Variants in TRAPPC3L observed in about 807,000 individuals in gnomAD.
TRAPPC3L encodes the protein trafficking protein particle complex subunit 3-like protein.
A neutral mutation model predicts 23.7 loss-of-function variants in TRAPPC3L; 23 were observed. The observed-to-expected ratio is 0.97, with a 90% CI of 0.70 to 1.37. The LOEUF (loss-of-function observed/expected upper bound fraction) is 1.37. Among genes scored for constraint, TRAPPC3L ranks in the 40% most tolerant of loss-of-function variants. The pLI is 0.00. For synonymous variants in TRAPPC3L, 81 were observed against 77.9 expected (o/e 1.04, Z -0.21); for missense variants, 212 against 216.8 (o/e 0.98, Z 0.14).
intron 3 of TRAPPC3L, chr6:116,516,877 C>G (rs897389278): frequency 2.6e-5 from 4 of 151,842 alleles, no homozygotes; most frequent in Admixed American, 2.0e-4. Context: ...GCTTACTAGG[C>G]CGTGGGTATG....
At chr6:116,541,691 C>A (rs1441214452) in intron 2 of TRAPPC3L, among the ~76,000 whole-genome samples, 1 of 152,318 alleles carries the variant, frequency 6.6e-6, no homozygotes, top group East Asian at 1.9e-4. Context: ...ATCAAAATGT[C>A]TACTTTACAG....
intron 3 of TRAPPC3L, among the ~76,000 whole-genome samples, chr6:116,534,787 A>G (rs931910201): frequency 8.8e-6 from 1 of 113,552 alleles, no homozygotes; most frequent in African/African-American, 3.2e-5. Flanking sequence ...TTATACTATA[A>G]AAGAAAAGTT....
intron 3 of TRAPPC3L, among the ~76,000 whole-genome samples, chr6:116,509,095 A>AGG (rs1772060011): frequency 1.4e-5 from 1 of 69,380 alleles, no homozygotes; most frequent in African/African-American, 3.8e-5. Flanking sequence ...GAGTTGTAAA[A>AGG]AAAAAAAAAA....
rs192336248 is a variant in TRAPPC3L at position 116,510,694 on chromosome 6, A to T, written c.241-10028T>A. Among the ~76,000 whole-genome samples, 970 of 151,172 alleles carry T rather than the reference A, an allele frequency of 6.4e-3. 8 individuals are homozygous for T. Among genetic ancestry groups the T allele is most frequent in the Middle Eastern group, 0.034 (10 of 294 alleles). On this transcript the variant is annotated intron_variant, in intron 3 of 4. Transcript: ENST00000368602. ...AAAGAAAAAGAAGTCATTATATATTAAAAAAAAACACCTGCACATGTATAT... is the reference window on the plus strand; with the variant it reads ...AAAGAAAAAGAAGTCATTATATATTTAAAAAAAACACCTGCACATGTATAT...
intron 3 of TRAPPC3L, among the ~76,000 whole-genome samples, chr6:116,533,571 G>C (rs919771208): frequency 1.3e-5 from 2 of 152,204 alleles, no homozygotes; most frequent in African/African-American, 4.8e-5. Flanking sequence ...AACGGCAATA[G>C]AAATGTAAGT....
Position 116,500,521 on chromosome 6 carries a change from C to A in TRAPPC3L, c.386G>T (p.Cys129Phe). 1 of 1,551,632 alleles carries A rather than the reference C, an allele frequency of 6.4e-7. No individual in the cohort carries two copies. Among genetic ancestry groups the A allele is most frequent in the South Asian group, 1.2e-5 (1 of 84,048 alleles). Reference protein sequence around the residue: ...LPAGRSSLCYCNLLCGIIRGA... With the variant: ...LPAGRSSLCYFNLLCGIIRGA... ...TCTGATAATCCCACAGAGCAAGTTG[C>A]AGTAGCACAGAGAAGATCGCCCAGC... Residue 129 changes from cysteine to phenylalanine, a missense_variant, in exon 4 of 5, where the codon TGC (cysteine) becomes TTC (phenylalanine). Coordinates refer to ENST00000368602, the MANE Select transcript of TRAPPC3L (RefSeq NM_001139444.3).
At position 116,496,922 on chromosome 6, in the gene TRAPPC3L, T is replaced by C; in HGVS notation, c.*32A>G. The C allele has an allele frequency of 6.5e-7, 1 of 1,531,408 alleles. No homozygotes were observed. Among genetic ancestry groups the C allele is most frequent in the Non-Finnish European group, 8.8e-7 (1 of 1,142,140 alleles). The allele number at this position is 1,531,408 out of a possible 1,614,324, so 94.9% of individuals were successfully genotyped here. Reference sequence around the variant, plus strand: ...CATGTTTAGCTAACATTAACTCAGCTAGCCGCCCCGTGGCATTTTCCGTGC... The same window carrying C: ...CATGTTTAGCTAACATTAACTCAGCCAGCCGCCCCGTGGCATTTTCCGTGC... On this transcript the variant is annotated 3_prime_UTR_variant, in exon 5 of 5. Coordinates refer to ENST00000368602, the MANE Select transcript of TRAPPC3L (RefSeq NM_001139444.3).
intron 3 of TRAPPC3L, among the ~76,000 whole-genome samples, chr6:116,525,748 G>T (rs571633312): frequency 8.5e-4 from 129 of 152,324 alleles, no homozygotes; most frequent in Non-Finnish European, 1.6e-3. Flanking sequence ...AAGAACTCAT[G>T]ATATTAAGTA....
At chr6:116,530,654 G>A (rs1415020275) in intron 3 of TRAPPC3L, among the ~76,000 whole-genome samples, 2 of 151,980 alleles carry the variant, frequency 1.3e-5, no homozygotes, top group Non-Finnish European at 2.9e-5. Context: ...CATTAACAAT[G>A]TGGTTTCACT....
chr6:116,498,437 T>C (rs1771864639), intron 4 of TRAPPC3L, among the ~76,000 whole-genome samples: 1 of 152,228 alleles, frequency 6.6e-6, no homozygotes, highest in African/African-American at 2.4e-5. Flanking sequence ...TGTTATTCTA[T>C]TTTCCCCTAA....
At chr6:116,522,890 GC>G (rs1357067523) in intron 3 of TRAPPC3L, 1 of 151,970 alleles carries the variant, frequency 6.6e-6, no homozygotes, top group Non-Finnish European at 1.5e-5. Flanking sequence ...CGTGATCCTA[GC>G]TGATTCCAGT....
In TRAPPC3L at chr6:116,496,927, GC is replaced by G. The variant is rs1278508059; in HGVS notation, c.*26del. Reference sequence around the variant, plus strand: ...TTAGCTAACATTAACTCAGCTAGCCGCCCCGTGGCATTTTCCGTGCTAGTCT... The same window carrying G: ...TTAGCTAACATTAACTCAGCTAGCCGCCCGTGGCATTTTCCGTGCTAGTCT... On this transcript the variant is annotated 3_prime_UTR_variant, in exon 5 of 5. Coordinates refer to ENST00000368602, the MANE Select transcript of TRAPPC3L (RefSeq NM_001139444.3). 10 of 1,531,824 alleles carry G rather than the reference GC, an allele frequency of 6.5e-6. No individual in the cohort carries two copies. Among genetic ancestry groups the G allele is most frequent in the Non-Finnish European group, 8.8e-6 (10 of 1,141,796 alleles). 94.9% of individuals were successfully genotyped at this position (1,531,824 alleles called of 1,614,324 possible).
In TRAPPC3L at chr6:116,515,828, C is replaced by T. The variant is rs147361495; in HGVS notation, c.241-15162G>A. 5.0e-6 allele frequency: 8 copies of T among 1,613,826 alleles called. No individual in the cohort carries two copies. In the African/African-American group the frequency reaches 1.1e-4, roughly 22 times the overall value. On this transcript the variant is annotated intron_variant, in intron 3 of 4. Transcript: ENST00000368602. ...CAAGAGGCCAGATCCTTTTCCCATG[C>T]CTACGTTTGCTGCCTGGGAGGCTGC...
chr6:116,535,733 C>G (rs1188470431), intron 3 of TRAPPC3L, among the ~76,000 whole-genome samples: 1 of 152,150 alleles, frequency 6.6e-6, no homozygotes, highest in Non-Finnish European at 1.5e-5. Flanking sequence ...TACACATTTT[C>G]ATTTAGACCA....
chr6:116,540,850 G>A (rs777598121), intron 2 of TRAPPC3L, among the ~76,000 whole-genome samples: 23 of 152,170 alleles, frequency 1.5e-4, no homozygotes, highest in Non-Finnish European at 3.1e-4. Flanking sequence ...TCTGCTACAT[G>A]TGTGATACCC....
At chr6:116,517,163 A>C (rs1408239729) in intron 3 of TRAPPC3L, 1 of 152,060 alleles carries the variant, frequency 6.6e-6, no homozygotes, top group African/African-American at 2.4e-5. Context: ...ATTACTTCTC[A>C]AGGCTCTGCT....
chr6:116,532,038 T>C (rs1465245920), intron 3 of TRAPPC3L, among the ~76,000 whole-genome samples: 3 of 152,160 alleles, frequency 2.0e-5, no homozygotes, highest in African/African-American at 7.2e-5. Flanking sequence ...TTGCTGTGGA[T>C]TTGTTATTGT....
At chr6:116,519,059 C>T (rs1429751769) in intron 3 of TRAPPC3L, 1 of 152,204 alleles carries the variant, frequency 6.6e-6, no homozygotes, top group African/African-American at 2.4e-5. Flanking sequence ...TTGGTGTCTG[C>T]TCTTGAGTAT....
intron 3 of TRAPPC3L, among the ~76,000 whole-genome samples, chr6:116,512,696 T>C (rs186662039): frequency 7.0e-4 from 107 of 152,354 alleles, no homozygotes; most frequent in African/African-American, 2.5e-3. Context: ...CTTTTCAAAG[T>C]TGCATGTAAT....
Sources: allele counts gnomAD v4.1 joint callset (sites outside exome capture counted in the v4.1 genomes callset), GRCh38; gene constraint gnomAD v4.1.1; transcripts MANE v1.5; gene names NCBI Gene and HGNC (gene_info 2026-07-23, HGNC 2026-07-21).